The following TEP1 variants were observed in gnomAD, a reference collection of about 807,000 sequenced individuals.
TEP1 encodes the protein telomerase associated protein 1, also known as telomerase protein component 1.
TEP1 carries 241 observed loss-of-function variants against 306.3 expected under a neutral mutation model. That is an observed-to-expected ratio of 0.79 (90% CI 0.71 to 0.88). The LOEUF is 0.88. TEP1 is among the 40% of genes least tolerant of loss of function. The pLI is 0.00. For missense variants in TEP1, 3,051 were observed against 3,276.1 expected (o/e 0.93, Z 1.68); for synonymous variants, 1,289 against 1,305.5 (o/e 0.99, Z 0.27).
chr14:20,379,132 C>G (rs1885380856), intron 35 of TEP1, 27 bp from the exon 36 acceptor site: 1 of 1,611,704 alleles, frequency 6.2e-7, no homozygotes, highest in Non-Finnish European at 8.5e-7. Context: ...GGGAGCGCAG[C>G]TCAGGCCATC....
At position 20,373,009 on chromosome 14, in the gene TEP1, A is replaced by C. The variant is rs1454755717; in HGVS notation, c.6951+2T>G. 3.7e-6 allele frequency: 6 copies of C among 1,614,096 alleles called. No homozygotes were observed. The highest frequency in any genetic ancestry group is 2.2e-5 in the East Asian group (1 of 44,890). On this transcript the variant is annotated splice_donor_variant, in intron 48 of 54. Coordinates refer to ENST00000262715, the MANE Select transcript of TEP1 (RefSeq NM_007110.5). LOFTEE classifies it high-confidence loss of function. The stretch of plus-strand genomic sequence containing the variant: ...CAAAGAACCAAGGGTACACCGACTC[A>C]CCTGTGCTGTGGCCACAGCCTTAGC...
In TEP1 at chr14:20,366,272, A is replaced by G. The variant is rs927014363; in HGVS notation, c.*2165T>C. On this transcript the variant is annotated 3_prime_UTR_variant, in exon 55 of 55. Transcript: ENST00000262715. ...CCAGCCTTAGCTGGGATGCTTTTAT[A>G]TAATTTTCAGAGCATGGAAGAGAGA... 2 of 152,220 alleles carry G rather than the reference A, an allele frequency of 1.3e-5. No homozygotes were observed. Among genetic ancestry groups the G allele is most frequent in the African/African-American group, 4.8e-5 (2 of 41,470 alleles). 9.4% of individuals were successfully genotyped at this position (152,220 alleles called of 1,614,324 possible).
intron 42 of TEP1, 41 bp downstream of exon 42, chr14:20,376,063 G>A (rs1200713936): frequency 2.9e-5 from 47 of 1,598,346 alleles, no homozygotes; most frequent in Non-Finnish European, 4.0e-5. Flanking sequence ...AGGAACTAGA[G>A]AGGCTATGGG....
At chr14:20,382,517 G>T (rs774136049) in intron 28 of TEP1, 106 bp downstream of exon 28, 113 of 1,533,672 alleles carry the variant, frequency 7.4e-5, no homozygotes, top group Non-Finnish European at 9.5e-5. Flanking sequence ...AGGATAGGGA[G>T]TGGGTGATCA....
At chr14:20,396,011 G>T in intron 10 of TEP1, 62 bp from the exon 11 acceptor site, 1 of 1,288,924 alleles carries the variant, frequency 7.8e-7, no homozygotes, top group Non-Finnish European at 1.1e-6. Context: ...GGGCTTCAGG[G>T]GTCCACTCTA....
At chr14:20,398,251 G>T (rs995982157) in intron 9 of TEP1, among the ~76,000 whole-genome samples, 1 of 151,420 alleles carries the variant, frequency 6.6e-6, no homozygotes, top group Non-Finnish European at 1.5e-5. Flanking sequence ...GGTGGTGGTC[G>T]CCTGTAATCT....
In TEP1 at chr14:20,373,751, G is replaced by T. The variant is rs761822184; in HGVS notation, c.6531C>A (p.Gly2177=). ...DGTLKVWDHQ[G]VELTSIPAHS... ...GAGCAGGGATGCTGGTCAGCTCCAC[G>T]CCTTGATGGTCCCACACTTTCAAGG... Residue 2177 remains glycine (G), a synonymous_variant, in exon 45 of 55, where the codon GGC becomes GGA. Coordinates refer to ENST00000262715, the MANE Select transcript of TEP1 (RefSeq NM_007110.5). 4 of 1,614,012 alleles carry T rather than the reference G, an allele frequency of 2.5e-6. No individual in the cohort carries two copies. Among genetic ancestry groups the T allele is most frequent in the Admixed American group, 3.3e-5 (2 of 60,004 alleles).
chr14:20,383,849 A>G lies in TEP1; in HGVS notation c.3604T>C (p.Ser1202Pro). 1 of 1,604,924 alleles carries G rather than the reference A, an allele frequency of 6.2e-7. No individual in the cohort carries two copies. Among genetic ancestry groups the G allele is most frequent in the East Asian group, 2.2e-5 (1 of 44,812 alleles). ...AGACCCTGGTCAGGACGAGCCCCAG[A>G]AAAGTGGAAGAAGACTAATGATGCC... ...KVASLVFFHFSGARPDQGLAL... is the reference protein window; with the variant it reads ...KVASLVFFHFPGARPDQGLAL... The change falls in exon 25 of 55, where the codon TCT becomes CCT. Residue 1202 changes from serine (S) to proline (P), a missense_variant. This residue lies in a region of TEP1 where 1,507 missense variants were observed against 1,550.5 expected (regional missense o/e 0.97). Coordinates refer to ENST00000262715, the MANE Select transcript of TEP1 (RefSeq NM_007110.5).
chr14:20,382,878 C>T (rs1197687578), intron 27 of TEP1, among the ~76,000 whole-genome samples, 163 bp from the exon 28 acceptor site: 1 of 152,176 alleles, frequency 6.6e-6, no homozygotes, highest in Non-Finnish European at 1.5e-5. Flanking sequence ...CTCTCCTACG[C>T]TGCTCTGCCC....
chr14:20,373,972 G>A (rs994925089), intron 44 of TEP1, among the ~76,000 whole-genome samples, 162 bp from the exon 45 acceptor site: 8 of 152,108 alleles, frequency 5.3e-5, no homozygotes, highest in Admixed American at 2.0e-4. Context: ...CAGTGGGGTC[G>A]GGTGGCTCAA....
chr14:20,409,837 A>C (rs377075421), intron 1 of TEP1, among the ~76,000 whole-genome samples: 1 of 151,802 alleles, frequency 6.6e-6, no homozygotes, highest in Non-Finnish European at 1.5e-5. Flanking sequence ...TGGCTAACAC[A>C]GTGAAACCCC....
chr14:20,409,668 T>G (rs1031068405), intron 1 of TEP1, among the ~76,000 whole-genome samples: 1 of 152,178 alleles, frequency 6.6e-6, no homozygotes, highest in African/African-American at 2.4e-5. Context: ...CCTTGGGATC[T>G]TGGTTGGATA....
intron 39 of TEP1, 78 bp from the exon 40 acceptor site, chr14:20,377,831 C>A: frequency 1.9e-6 from 3 of 1,560,914 alleles, no homozygotes; most frequent in South Asian, 2.3e-5. Flanking sequence ...ACAGCCACCC[C>A]CATTAAAGTC....
rs375166652 is a variant in TEP1, at chr14:20,381,418, T to G, written c.4559-17A>C. On this transcript the variant is annotated splice_polypyrimidine_tract_variant and intron_variant, in intron 31 of 54. Transcript: ENST00000262715. This position sits in a 1 kb window ranked among gnomAD's most constrained non-coding sequence, Gnocchi z 4.0. ...AGAGCTGAGCTGCATGAACAGATAT[T>G]GAGAAAGGCTCAGCCCTGCATCATT... The G allele has an allele frequency of 9.2e-5, 148 of 1,613,930 alleles. No homozygotes were observed. In the African/African-American group the frequency reaches 1.7e-3, roughly 18 times the overall value.
At chr14:20,400,730 T>C in intron 9 of TEP1, 1 of 463,330 alleles carries the variant, frequency 2.2e-6, no homozygotes, top group East Asian at 3.7e-5. Context: ...GAGAAGGTAC[T>C]TTTGTCATAT....
chr14:20,373,703 A>G lies in TEP1; in HGVS notation c.6579T>C (p.Cys2193=). Residue 2193 remains cysteine (C), a synonymous_variant, in exon 45 of 55, where the codon TGT becomes TGC. Transcript: ENST00000262715. ...IPAHSGPISH[C]AAAMEPRAAG... is the part of the protein sequence containing the mutation. ...CTGCACGGGGCTCCATGGCAGCTGCACAGTGGCTAATGGGTCCTGAGTGAG... is the reference window on the plus strand; with the variant it reads ...CTGCACGGGGCTCCATGGCAGCTGCGCAGTGGCTAATGGGTCCTGAGTGAG... 1 of 1,614,240 alleles carries G rather than the reference A, an allele frequency of 6.2e-7. No homozygotes were observed. The highest frequency in any genetic ancestry group is 8.5e-7 in the Non-Finnish European group (1 of 1,180,052).
chr14:20,406,416 CA>C lies in TEP1; in HGVS notation c.568-17del, dbSNP rs748431021. ...ACCAACGACCCTGGGGTAGTAGTGG[CA>C]GTTATGAATCACAGCAGGTATCCAC... On this transcript the variant is annotated splice_polypyrimidine_tract_variant and intron_variant, in intron 2 of 54. Transcript: ENST00000262715. 2.0e-5 allele frequency: 32 copies of C among 1,612,778 alleles called. No homozygotes were observed. The African/African-American group carries it at 3.5e-4, about 17-fold the overall frequency.
At chr14:20,403,981 G>A (rs1018939071) in intron 5 of TEP1, 97 bp from the exon 6 acceptor site, 1 of 1,518,306 alleles carries the variant, frequency 6.6e-7, no homozygotes, top group Non-Finnish European at 8.9e-7. Context: ...AGAGCACAGA[G>A]TAGCGAGCAA....
chr14:20,397,559 A>G (rs184873103), intron 9 of TEP1, among the ~76,000 whole-genome samples: 31 of 152,344 alleles, frequency 2.0e-4, no homozygotes, highest in Admixed American at 1.4e-3. Context: ...GAATGTATGT[A>G]AATCCATATT....
Sources: gnomAD v4.1 joint callset for allele counts (sites outside exome capture counted in the v4.1 genomes callset) on GRCh38, gnomAD v4.1.1 for gene constraint, gnomAD v4.1.1 regional missense constraint, Gnocchi (gnomAD v3.1) non-coding constraint, MANE v1.5 for transcripts, NCBI Gene and HGNC (gene_info 2026-07-23, HGNC 2026-07-21) for gene names.